IBTK: variants seen among roughly 807,000 people sequenced by gnomAD.
IBTK encodes BTK-binding protein.
A neutral mutation model predicts 154.9 loss-of-function variants in IBTK; 83 were observed. That is an observed-to-expected ratio of 0.54 (90% CI 0.45 to 0.64). IBTK has a LOEUF of 0.64. Ranked by LOEUF, IBTK falls within the 30% of genes least tolerant of loss-of-function variation. The probability of loss-of-function intolerance (pLI) is 0.00; values close to 1 mark genes in which losing one functional copy is unlikely to be tolerated. For missense variants in IBTK, 1,332 were observed against 1,584.6 expected, an observed-to-expected ratio of 0.84 and a Z score of 2.71; for synonymous variants, 515 against 536.1, an observed-to-expected ratio of 0.96 and a Z score of 0.54.
chr6:82,173,525 A>G, intron 26 of IBTK, 87 bp from the exon 27 acceptor site: 1 of 1,071,122 alleles, frequency 9.3e-7, no homozygotes, highest in Admixed American at 1.9e-5. Context: ...GAAGAATTGT[A>G]AACTCCTGAC....
At chr6:82,173,610 A>G in intron 26 of IBTK, 172 bp from the exon 27 acceptor site, 1 of 438,514 alleles carries the variant, frequency 2.3e-6, no homozygotes, top group Non-Finnish European at 4.0e-6. Context: ...CTATATTTAT[A>G]AAACCTTCTG....
chr6:82,233,155 C>CAAAAAAAAAAAA (rs35870814), intron 3 of IBTK, among the ~76,000 whole-genome samples: 1 of 93,390 alleles, frequency 1.1e-5, no homozygotes, highest in African/African-American at 3.7e-5. Context: ...GAAACTGTCT[C>CAAAAAAAAAAAA]AAAAAAAAAA....
At chr6:82,204,624 C>T (rs1018173982) in intron 17 of IBTK, among the ~76,000 whole-genome samples, 1 of 152,094 alleles carries the variant, frequency 6.6e-6, no homozygotes. Context: ...GGTTTTATGA[C>T]ATTTCAATAC....
intron 18 of IBTK, 125 bp from the exon 19 acceptor site, chr6:82,201,607 A>G: frequency 1.8e-6 from 1 of 546,304 alleles, no homozygotes; most frequent in East Asian, 3.3e-5. Context: ...AGCATTATAT[A>G]TAGCAGTTGC....
chr6:82,231,724 G>C lies in IBTK; in HGVS notation c.537C>G (p.Ile179Met), dbSNP rs773049124. 1 of 1,597,726 alleles carries C rather than the reference G, an allele frequency of 6.3e-7. No homozygotes were observed. Among genetic ancestry groups the C allele is most frequent in the Admixed American group, 1.8e-5 (1 of 56,810 alleles). ...VDLFSRSGIY[I>M]KQVVLCKFHS... The stretch of plus-strand genomic sequence containing the variant: ...GATTGTACTTCAAAAATACCTGCTT[G>C]ATATAAATCCCACTCCTGGAGAACA... The change falls in exon 4 of 29, where the codon ATC becomes ATG. Residue 179 changes from isoleucine to methionine, a missense_variant. Physicochemically the swap from Ile to Met is conservative, Grantham distance 10. Transcript: ENST00000306270.
At position 82,197,793 on chromosome 6, in the gene IBTK, C is replaced by G. The variant is rs543054789; in HGVS notation, c.3026-1347G>C. On this transcript the variant is annotated intron_variant, in intron 21 of 28. Transcript: ENST00000306270. ...AAAAGAGGACAATTAATGTGGCCAA[C>G]AATTACTTCTGGTCAAAAACAGTTT... Among the ~76,000 whole-genome samples the G allele has an allele frequency of 1.8e-4, 27 of 152,294 alleles. 1 individual carries two copies. The highest frequency in any genetic ancestry group is 1.8e-3 in the Admixed American group (27 of 15,300).
intron 7 of IBTK, 33 bp from the exon 8 acceptor site, chr6:82,223,653 A>G (rs1267189996): frequency 6.3e-7 from 1 of 1,583,186 alleles, no homozygotes; most frequent in South Asian, 1.1e-5. Context: ...AAATCACAAA[A>G]TAGCTCTTTT....
At chr6:82,223,953 A>G in intron 7 of IBTK, 115 bp downstream of exon 7, 1 of 697,930 alleles carries the variant, frequency 1.4e-6, no homozygotes. Flanking sequence ...TGTCTCAAAC[A>G]AACAAACAAA....
chr6:82,174,134 G>A (rs1433752012), intron 26 of IBTK, among the ~76,000 whole-genome samples: 1 of 152,096 alleles, frequency 6.6e-6, no homozygotes, highest in Non-Finnish European at 1.5e-5. Flanking sequence ...CTCTCTTTCA[G>A]CAATGAGAAA....
intron 25 of IBTK, among the ~76,000 whole-genome samples, chr6:82,189,286 A>C (rs1768672080): frequency 6.6e-6 from 1 of 152,088 alleles, no homozygotes; most frequent in Non-Finnish European, 1.5e-5. Context: ...AAGATCCTGT[A>C]AACTTTCAGG....
Position 82,214,824 on chromosome 6 carries a change from T to C in IBTK, c.1607A>G (p.Tyr536Cys), listed in dbSNP as rs1394304911. The stretch of plus-strand genomic sequence containing the variant: ...TGATGAGGACACAGCTGGAATTTCA[T>C]AAAGGCTAGAAAGAAGACAAAAACA... ...ILQSDPKTSL[Y>C]EIPAVSSSSF... Residue 536 changes from tyrosine (Y) to cysteine (C), a missense_variant, in exon 12 of 29, where the codon TAT (tyrosine) becomes TGT (cysteine). By Grantham distance (194) the Tyr-to-Cys change is radical. This residue lies in a region of IBTK where 1,134 missense variants were observed against 1,274.7 expected (regional missense o/e 0.89). Coordinates refer to ENST00000306270, the MANE Select transcript of IBTK (RefSeq NM_015525.4). 2 of 1,571,628 alleles carry C rather than the reference T, an allele frequency of 1.3e-6. No individual in the cohort carries two copies. The highest frequency in any genetic ancestry group is 1.9e-5 in the Admixed American group (1 of 51,822).
At chr6:82,181,140 A>C (rs1178548952) in intron 26 of IBTK, among the ~76,000 whole-genome samples, 1 of 152,206 alleles carries the variant, frequency 6.6e-6, no homozygotes, top group Non-Finnish European at 1.5e-5. Context: ...CTGTAATCCT[A>C]GAACTTTGGG....
intron 23 of IBTK, among the ~76,000 whole-genome samples, chr6:82,193,151 CT>C (rs1193656557): frequency 2.0e-5 from 3 of 151,210 alleles, no homozygotes; most frequent in Non-Finnish European, 4.4e-5. Flanking sequence ...GTTTCCTGTA[CT>C]TTTTTTCTTT....
At chr6:82,222,960 T>C (rs985972484) in intron 8 of IBTK, among the ~76,000 whole-genome samples, 5 of 151,772 alleles carry the variant, frequency 3.3e-5, no homozygotes, top group Admixed American at 3.3e-4. Context: ...GTCAACCAAC[T>C]GCTACTTTAC....
At chr6:82,220,076 G>A (rs1770039836) in intron 9 of IBTK, among the ~76,000 whole-genome samples, 1 of 152,020 alleles carries the variant, frequency 6.6e-6, no homozygotes, top group Non-Finnish European at 1.5e-5. Flanking sequence ...CAGGCGTAGT[G>A]GCACATGCTT....
chr6:82,228,010 G>C (rs1770361489), intron 4 of IBTK, among the ~76,000 whole-genome samples: 1 of 151,826 alleles, frequency 6.6e-6, no homozygotes, highest in Non-Finnish European at 1.5e-5. Context: ...TGCCTCAGCA[G>C]AACACAATAA....
rs1018426811 is a variant in IBTK, at chr6:82,171,277, T to C, written c.*148A>G. On this transcript the variant is annotated 3_prime_UTR_variant, in exon 29 of 29. Transcript: ENST00000306270. The stretch of plus-strand genomic sequence containing the variant: ...AAATTTATTTTTAATCATACAAACA[T>C]TATATGATTTAACTGCAGTAAAGAA... The C allele has an allele frequency of 3.8e-6, 2 of 522,878 alleles. No individual in the cohort carries two copies. The highest frequency in any genetic ancestry group is 6.5e-6 in the Non-Finnish European group (2 of 309,036). 32.4% of individuals were successfully genotyped at this position (522,878 alleles called of 1,614,324 possible).
At chr6:82,203,551 T>TA (rs1437323334) in intron 17 of IBTK, among the ~76,000 whole-genome samples, 1 of 152,148 alleles carries the variant, frequency 6.6e-6, no homozygotes, top group African/African-American at 2.4e-5. Context: ...GAAGAAATGA[T>TA]AAAATTAGAT....
intron 12 of IBTK, among the ~76,000 whole-genome samples, chr6:82,213,642 A>ATATG (rs1290272056): frequency 3.9e-5 from 6 of 152,168 alleles, no homozygotes; most frequent in African/African-American, 1.2e-4. Flanking sequence ...AAGCTAAGAG[A>ATATG]TATGTATGTC....
Sources: gnomAD v4.1 joint callset for allele counts (sites outside exome capture counted in the v4.1 genomes callset) on GRCh38, gnomAD v4.1.1 for gene constraint, gnomAD v4.1.1 regional missense constraint, MANE v1.5 for transcripts, NCBI Gene and HGNC (gene_info 2026-07-23, HGNC 2026-07-21) for gene names.